The following LRIG3 variants were observed in gnomAD, a reference collection of about 807,000 sequenced individuals.
LRIG3 encodes the protein leucine-rich repeats and immunoglobulin-like domains protein 3.
LRIG3 carries 76 observed loss-of-function variants against 114.5 expected under a neutral mutation model. That is an observed-to-expected ratio of 0.66 (90% confidence interval 0.55 to 0.80). The LOEUF (loss-of-function observed/expected upper bound fraction) is 0.80, where lower values mean the gene tolerates loss of function less well. Ranked by LOEUF, LRIG3 falls within the 30% of genes least tolerant of loss-of-function variation. LRIG3 has a pLI of 0.00. For synonymous variants in LRIG3, 512 were observed against 519.8 expected (o/e 0.98, Z 0.20); for missense variants, 1,239 against 1,382.8 (o/e 0.90, Z 1.65).
Position 58,904,062 on chromosome 12 carries a change from T to A in LRIG3, c.383+9920A>T, listed in dbSNP as rs1477259417. On this transcript the variant is annotated intron_variant, in intron 3 of 18. Coordinates refer to ENST00000320743, the MANE Select transcript of LRIG3 (RefSeq NM_153377.5). ...TTGGCGATGCGGGCTCTTTTTTGGTTCCATATGAACTTTAAAGTAGTTTTT... is the reference window on the plus strand; with the variant it reads ...TTGGCGATGCGGGCTCTTTTTTGGTACCATATGAACTTTAAAGTAGTTTTT... 2.0e-5 allele frequency among the ~76,000 whole-genome samples: 3 copies of A among 152,122 alleles called. No homozygotes were observed. In the East Asian group the frequency reaches 5.8e-4, roughly 29 times the overall value.
At chr12:58,877,262 T>C (rs1162735274) in intron 15 of LRIG3, 138 bp downstream of exon 15, 2 of 854,336 alleles carry the variant, frequency 2.3e-6, no homozygotes, top group Non-Finnish European at 3.5e-6. Context: ...TTTTAGCGAA[T>C]CATATTTCTG....
At position 58,872,600 on chromosome 12, in the gene LRIG3, T is replaced by C; in HGVS notation, c.3332A>G (p.Asn1111Ser). ...TGTGTCCAAGTCATAAGACTGAAAA[T>C]TTGGAGTCCTGTAGTTTTCTAAAGT... ...KQTLENYRTP[N>S]FQSYDLDT Residue 1111 changes from asparagine (N) to serine (S), a missense_variant, in exon 19 of 19, where the codon AAT (asparagine) becomes AGT (serine). Asn to Ser is a conservative substitution (Grantham distance 46). Coordinates refer to ENST00000320743, the MANE Select transcript of LRIG3 (RefSeq NM_153377.5). The C allele has an allele frequency of 1.2e-6, 2 of 1,613,750 alleles. No individual in the cohort carries two copies. The highest frequency in any genetic ancestry group is 1.7e-6 in the Non-Finnish European group (2 of 1,179,840).
chr12:58,874,347 C>T lies in LRIG3; in HGVS notation c.2840-17G>A, dbSNP rs10877180. On this transcript the variant is annotated splice_polypyrimidine_tract_variant and intron_variant, in intron 17 of 18. Transcript: ENST00000320743. ...GACTGCAACCTTTTTAATATGGGGG[C>T]AGTAACAGAAGGAGATTACAGTTAG... The T allele has an allele frequency of 0.052, 83,868 of 1,606,320 alleles. 2,982 individuals carry two copies. Among genetic ancestry groups the T allele is most frequent in the East Asian group, 0.15 (6,680 of 44,788 alleles).
At chr12:58,916,100 C>T (rs1418590275) in intron 1 of LRIG3, among the ~76,000 whole-genome samples, 1 of 152,168 alleles carries the variant, frequency 6.6e-6, no homozygotes, top group Non-Finnish European at 1.5e-5. Context: ...TGAGGATTAA[C>T]TTCATTTTAA....
At chr12:58,910,611 AAAAAAC>A (rs1300025966) in intron 3 of LRIG3, among the ~76,000 whole-genome samples, 1 of 152,190 alleles carries the variant, frequency 6.6e-6, no homozygotes, top group Admixed American at 6.5e-5. Flanking sequence ...CCGTCTCAAA[AAAAAAC>A]AAAAACAAAA....
chr12:58,906,385 A>G (rs765041547), intron 3 of LRIG3, among the ~76,000 whole-genome samples: 19 of 152,198 alleles, frequency 1.2e-4, no homozygotes, highest in Non-Finnish European at 2.4e-4. Flanking sequence ...TTACCTCTGA[A>G]TTCAGAGCAT....
chr12:58,914,563 T>C lies in LRIG3; in HGVS notation c.237-227A>G, dbSNP rs1872406401. On this transcript the variant is annotated intron_variant, in intron 1 of 18. Transcript: ENST00000320743. ...GATTCAAATACTTTAAGCCCACAAA[T>C]GTTTTAAGAGATGTTTTTTTGGCAC... is the stretch of plus-strand genomic sequence containing the variant. 3 of 491,672 alleles carry C rather than the reference T, an allele frequency of 6.1e-6. No homozygotes were observed. The East Asian group carries it at 9.6e-5, about 16-fold the overall frequency. 30.5% of individuals were successfully genotyped at this position (491,672 alleles called of 1,614,324 possible). A position where few individuals can be genotyped will look rare whatever the true frequency, so the allele number is the denominator to read the frequency against.
intron 3 of LRIG3, among the ~76,000 whole-genome samples, chr12:58,904,561 T>C (rs1347091815): frequency 1.3e-5 from 2 of 152,170 alleles, no homozygotes; most frequent in African/African-American, 4.8e-5. Flanking sequence ...AGTCAAGTCA[T>C]GCAGGTGGGA....
chr12:58,896,870 C>G (rs1331748904), intron 3 of LRIG3, among the ~76,000 whole-genome samples: 1 of 152,184 alleles, frequency 6.6e-6, no homozygotes, highest in South Asian at 2.1e-4. Context: ...CTATATATAA[C>G]TTGCAAACAA....
At chr12:58,907,006 A>T (rs577666718) in intron 3 of LRIG3, among the ~76,000 whole-genome samples, 2 of 151,680 alleles carry the variant, frequency 1.3e-5, no homozygotes, top group East Asian at 3.9e-4. Flanking sequence ...AAACCACCTA[A>T]GCATGGAAGA....
intron 16 of LRIG3, 71 bp downstream of exon 16, chr12:58,876,374 A>C: frequency 6.6e-7 from 1 of 1,506,624 alleles, no homozygotes. Flanking sequence ...TGTGAAAATG[A>C]ATATCATATC....
At chr12:58,877,350 C>T (rs776587175) in intron 15 of LRIG3, 50 bp downstream of exon 15, 3 of 1,565,168 alleles carry the variant, frequency 1.9e-6, no homozygotes, top group South Asian at 1.2e-5. Flanking sequence ...TTTGCAGAAC[C>T]ACAAATACAC....
chr12:58,877,360 C>T, intron 15 of LRIG3, 40 bp downstream of exon 15: 1 of 1,590,572 alleles, frequency 6.3e-7, no homozygotes, highest in East Asian at 2.2e-5. Flanking sequence ...CACAAATACA[C>T]ATGACTCCGG....
At chr12:58,889,601 G>A (rs1303914780) in intron 5 of LRIG3, among the ~76,000 whole-genome samples, 1 of 151,934 alleles carries the variant, frequency 6.6e-6, no homozygotes, top group African/African-American at 2.4e-5. Context: ...TTCACAGATC[G>A]CTCTACCATT....
intron 6 of LRIG3, 31 bp from the exon 7 acceptor site, chr12:58,888,503 T>A (rs758246306): frequency 1.9e-6 from 3 of 1,608,178 alleles, no homozygotes; most frequent in Non-Finnish European, 2.6e-6. Context: ...AAAAGCAGGA[T>A]CAAAACTTCA....
chr12:58,886,136 C>A (rs1374251405), intron 9 of LRIG3, among the ~76,000 whole-genome samples: 1 of 152,110 alleles, frequency 6.6e-6, no homozygotes, highest in Non-Finnish European at 1.5e-5. Flanking sequence ...AGTCACTCTG[C>A]TGATTAAGTT....
intron 13 of LRIG3, among the ~76,000 whole-genome samples, chr12:58,880,010 T>C (rs1048938945): frequency 3.9e-5 from 6 of 152,150 alleles, no homozygotes; most frequent in African/African-American, 9.6e-5. Context: ...GAGGAAAACA[T>C]TGCTGGGCAC....
Position 58,872,382 on chromosome 12 carries a change from T to C in LRIG3, c.*190A>G, listed in dbSNP as rs1870764649. The stretch of plus-strand genomic sequence containing the variant: ...GTTAAAAAATAGTTTAAAAAGGTAT[T>C]CTTATATGAGCATCATTCCCAGTAT... On this transcript the variant is annotated 3_prime_UTR_variant, in exon 19 of 19. Transcript: ENST00000320743. The C allele has an allele frequency of 2.2e-6, 1 of 448,508 alleles. No homozygotes were observed. Among genetic ancestry groups the C allele is most frequent in the Admixed American group, 4.1e-5 (1 of 24,518 alleles). 27.8% of individuals were successfully genotyped at this position (448,508 alleles called of 1,614,324 possible).
chr12:58,919,415 G>C (rs1455380462), intron 1 of LRIG3: 1 of 1,551,672 alleles, frequency 6.4e-7, no homozygotes, highest in South Asian at 1.2e-5. Context: ...TGGTTGAGGA[G>C]TGGGAACTTA....
Sources: allele counts gnomAD v4.1 joint callset (sites outside exome capture counted in the v4.1 genomes callset), GRCh38; gene constraint gnomAD v4.1.1; transcripts MANE v1.5; gene names NCBI Gene and HGNC (gene_info 2026-07-23, HGNC 2026-07-21).